MTUS2: variants seen among roughly 807,000 people sequenced by gnomAD.
MTUS2 encodes the protein microtubule associated scaffold protein 2.
In MTUS2, 40 loss-of-function variants were observed where a neutral mutation model predicts 114.1. The ratio of observed to expected loss-of-function variants is 0.35; its 90% confidence interval spans 0.27 to 0.46. MTUS2 has a LOEUF of 0.46. Among genes scored for constraint, MTUS2 ranks in the 20% least tolerant of loss-of-function variants. The probability of loss-of-function intolerance (pLI) is 1.00; values close to 1 mark genes in which losing one functional copy is unlikely to be tolerated. For missense variants in MTUS2, 1,679 were observed against 1,705.4 expected (o/e 0.98, Z 0.27); for synonymous variants, 688 against 672.0 (o/e 1.02, Z -0.37).
intron 5 of MTUS2, among the ~76,000 whole-genome samples, chr13:29,238,281 A>G (rs568390143): frequency 4.2e-4 from 64 of 152,346 alleles, no homozygotes; most frequent in African/African-American, 1.4e-3. Flanking sequence ...CTCTAGAGGG[A>G]CAGAACTAAT....
rs1162860492 is a variant in MTUS2 at position 29,060,543 on chromosome 13, C to CTTTTT, written c.2446+26436_2446+26440dup. The stretch of plus-strand genomic sequence containing the variant: ...CCCAATGTGGTTTCTCCTAGCCCTT[C>CTTTTT]TTTTTTTTTTTTTTTTTTTTTTACT... On this transcript the variant is annotated intron_variant, in intron 4 of 15. Transcript: ENST00000612955. Among the ~76,000 whole-genome samples the CTTTTT allele has an allele frequency of 1.1e-3, 108 of 101,148 alleles. 1 individual carries two copies. The highest frequency in any genetic ancestry group is 3.3e-3 in the African/African-American group (89 of 26,784). 66.4% of individuals were successfully genotyped at this position (101,148 alleles called of 152,430 possible).
At chr13:29,463,610 G>A (rs995910848) in intron 9 of MTUS2, among the ~76,000 whole-genome samples, 4 of 151,818 alleles carry the variant, frequency 2.6e-5, no homozygotes, top group Middle Eastern at 6.4e-3. Flanking sequence ...CACAGCCACC[G>A]AAGACCAGAG....
At position 29,024,532 on chromosome 13, in the gene MTUS2, T is replaced by C. The variant is rs1434066382; in HGVS notation, c.-167T>C. ...TTCCTGCTGTATATCAAGACAATGC[T>C]TGGTTTTCAAGCTGTTCTGAGAATG... On this transcript the variant is annotated 5_prime_UTR_variant, in exon 3 of 16. Transcript: ENST00000612955. 6.4e-6 allele frequency: 5 copies of C among 779,798 alleles called. No homozygotes were observed. In the Admixed American group the frequency reaches 1.5e-4, roughly 24 times the overall value. The allele number at this position is 779,798 out of a possible 1,614,324, so 48.3% of individuals were successfully genotyped here.
At chr13:29,018,462 C>T (rs2138449260) in intron 2 of MTUS2, among the ~76,000 whole-genome samples, 1 of 151,712 alleles carries the variant, frequency 6.6e-6, no homozygotes, top group Middle Eastern at 3.4e-3. Context: ...GCTATCATTT[C>T]ACTTCATGAT....
chr13:29,165,569 C>G (rs1193878088), intron 5 of MTUS2, among the ~76,000 whole-genome samples: 4 of 152,158 alleles, frequency 2.6e-5, no homozygotes, highest in Non-Finnish European at 5.9e-5. Context: ...GGGGCCAGTC[C>G]TTCTTTAATG....
intron 5 of MTUS2, among the ~76,000 whole-genome samples, chr13:29,235,174 G>A (rs1378374539): frequency 1.3e-5 from 2 of 151,998 alleles, no homozygotes; most frequent in African/African-American, 2.4e-5. Flanking sequence ...TCAGCTCACC[G>A]CAACCTCCGC....
chr13:28,842,598 A>G (rs368333484), intron 2 of MTUS2, among the ~76,000 whole-genome samples: 10 of 152,306 alleles, frequency 6.6e-5, no homozygotes, highest in African/African-American at 2.2e-4. Context: ...TTTGGATTGA[A>G]ATAATTTATC....
At chr13:29,458,673 A>G (rs1879280454) in intron 9 of MTUS2, among the ~76,000 whole-genome samples, 1 of 152,170 alleles carries the variant, frequency 6.6e-6, no homozygotes. Context: ...CTCTTGGTGA[A>G]CCACAGGCAG....
At chr13:29,079,722 C>T (rs1039864534) in intron 4 of MTUS2, among the ~76,000 whole-genome samples, 1 of 152,132 alleles carries the variant, frequency 6.6e-6, no homozygotes, top group Admixed American at 6.5e-5. Context: ...GGGTTTATTT[C>T]TGGAATGTTA....
intron 2 of MTUS2, among the ~76,000 whole-genome samples, chr13:28,891,281 G>C (rs1225144524): frequency 6.6e-6 from 1 of 152,214 alleles, no homozygotes; most frequent in Non-Finnish European, 1.5e-5. Flanking sequence ...TAAAGAGCCA[G>C]AAACGGTAAT....
intron 6 of MTUS2, among the ~76,000 whole-genome samples, chr13:29,287,805 G>A (rs570337855): frequency 3.3e-5 from 5 of 152,314 alleles, no homozygotes; most frequent in Middle Eastern, 3.4e-3. Flanking sequence ...TGAGGTTAGC[G>A]GGTATTATGT....
At position 29,502,973 on chromosome 13, in the gene MTUS2, T is replaced by G. The variant is rs1883004271; in HGVS notation, c.3897-20T>G. 1.2e-6 allele frequency: 2 copies of G among 1,611,880 alleles called. No individual in the cohort carries two copies. The highest frequency in any genetic ancestry group is 2.7e-5 in the African/African-American group (2 of 74,884). On this transcript the variant is annotated intron_variant, in intron 15 of 15. Transcript: ENST00000612955. ...GTCCACTAGCATGATTGCTACTTATTTGTCATTGTGCCCATGCAGACAGCT... is the reference window on the plus strand; with the variant it reads ...GTCCACTAGCATGATTGCTACTTATGTGTCATTGTGCCCATGCAGACAGCT...
intron 6 of MTUS2, among the ~76,000 whole-genome samples, chr13:29,317,213 A>T (rs977997413): frequency 6.6e-6 from 1 of 152,216 alleles, no homozygotes; most frequent in Admixed American, 6.5e-5. Flanking sequence ...ACCTTCATGC[A>T]TGCAGTACAT....
At chr13:29,022,455 G>A (rs1446194955) in intron 2 of MTUS2, among the ~76,000 whole-genome samples, 5 of 152,206 alleles carry the variant, frequency 3.3e-5, no homozygotes, top group African/African-American at 4.8e-5. Flanking sequence ...CTCCCAAAGC[G>A]TTGGGATTAC....
At chr13:28,821,437 T>C (rs950524426) in intron 1 of MTUS2, among the ~76,000 whole-genome samples, 2 of 152,262 alleles carry the variant, frequency 1.3e-5, no homozygotes, top group Non-Finnish European at 2.9e-5. Context: ...TGAATGATTT[T>C]ATTTTTATCT....
At chr13:29,381,700 G>A (rs1872218965) in intron 8 of MTUS2, among the ~76,000 whole-genome samples, 1 of 152,150 alleles carries the variant, frequency 6.6e-6, no homozygotes, top group African/African-American at 2.4e-5. Flanking sequence ...CTGCCTCCCA[G>A]TCGTTTAGGT....
intron 2 of MTUS2, among the ~76,000 whole-genome samples, chr13:28,989,847 G>T (rs1284318643): frequency 1.0e-3 from 107 of 103,258 alleles, no homozygotes; most frequent in African/African-American, 3.5e-3. Flanking sequence ...TTTTTGTTTT[G>T]TTTTGTTTTT....
chr13:28,899,022 G>A (rs1384981147), intron 2 of MTUS2, among the ~76,000 whole-genome samples: 2 of 152,066 alleles, frequency 1.3e-5, no homozygotes, highest in African/African-American at 2.4e-5. Flanking sequence ...CACAAACCAC[G>A]CTGGCTTGGC....
At chr13:29,209,873 T>C (rs1397049911) in intron 5 of MTUS2, among the ~76,000 whole-genome samples, 2 of 152,220 alleles carry the variant, frequency 1.3e-5, no homozygotes, top group Non-Finnish European at 2.9e-5. Flanking sequence ...TCTTTCCTTG[T>C]CTTCACTTTA....
Sources: gnomAD v4.1 joint callset for allele counts (sites outside exome capture counted in the v4.1 genomes callset) on GRCh38, gnomAD v4.1.1 for gene constraint, MANE v1.5 for transcripts, NCBI Gene and HGNC (gene_info 2026-07-23, HGNC 2026-07-21) for gene names.